The following RANBP2 variants were observed in gnomAD, a reference collection of about 807,000 sequenced individuals.
RANBP2 encodes RAN binding protein 2, also known as E3 SUMO-protein ligase RanBP2.
In RANBP2, 57 loss-of-function variants were observed where a neutral mutation model predicts 303.6. That is an observed-to-expected ratio of 0.19 (90% CI 0.15 to 0.23). The LOEUF is 0.23. Among genes scored for constraint, RANBP2 ranks in the 10% least tolerant of loss-of-function variants. The probability of loss-of-function intolerance (pLI) is 1.00; values close to 1 mark genes in which losing one functional copy is unlikely to be tolerated. For missense variants in RANBP2, 3,138 were observed against 3,780.8 expected (o/e 0.83, Z 4.46); for synonymous variants, 1,167 against 1,301.5 (o/e 0.90, Z 2.23).
chr2:109,029,164 G>A, the RANBP2 span, among the ~76,000 whole-genome samples: 3 of 151,712 alleles, frequency 2.0e-5, no homozygotes, highest in Non-Finnish European at 4.4e-5. Flanking sequence ...AATAAATAAG[G>A]TTTAAGGCAA....
chr2:108,823,615 A>T, the RANBP2 span, among the ~76,000 whole-genome samples: 4 of 152,240 alleles, frequency 2.6e-5, no homozygotes, highest in African/African-American at 7.2e-5. Flanking sequence ...AGGCAGTTGT[A>T]ACACAATGTG....
chr2:108,733,202 T>C (rs1179874418), intron 4 of RANBP2, among the ~76,000 whole-genome samples: 1 of 151,466 alleles, frequency 6.6e-6, no homozygotes, highest in African/African-American at 2.4e-5. Context: ...TGTATATCCA[T>C]AGTTGGTTCC....
At chr2:109,794,646 G>A in the RANBP2 span, 2 of 887,294 alleles carry the variant, frequency 2.3e-6, no homozygotes, top group Non-Finnish European at 1.3e-6. Context: ...GATGGCTCAG[G>A]CGTCATGTCT....
chr2:109,257,048 C>A, the RANBP2 span, among the ~76,000 whole-genome samples: 1 of 152,146 alleles, frequency 6.6e-6, no homozygotes, highest in Non-Finnish European at 1.5e-5. Flanking sequence ...CACTGTATGG[C>A]ATTTGAATGT....
the RANBP2 span, among the ~76,000 whole-genome samples, chr2:109,078,923 G>A: frequency 1.2e-3 from 184 of 151,956 alleles, no homozygotes; most frequent in Non-Finnish European, 1.8e-3. Context: ...CCCGGGAGGC[G>A]GAGCTTGCAG....
At chr2:108,951,469 C>T in the RANBP2 span, among the ~76,000 whole-genome samples, 46,537 of 152,046 alleles carry the variant, frequency 0.31, 11,066 homozygotes, top group East Asian at 0.95. Context: ...TCCAGAAAAA[C>T]TGAAATGAAT....
At chr2:108,864,975 A>G in the RANBP2 span, among the ~76,000 whole-genome samples, 1 of 152,064 alleles carries the variant, frequency 6.6e-6, no homozygotes, top group Non-Finnish European at 1.5e-5. Flanking sequence ...ATAAATAAAT[A>G]GTAACACATT....
the RANBP2 span, among the ~76,000 whole-genome samples, chr2:108,797,880 A>G: frequency 6.6e-6 from 1 of 152,134 alleles, no homozygotes; most frequent in Admixed American, 6.6e-5. Context: ...TGAACATATA[A>G]AAAGATTTTT....
the RANBP2 span, among the ~76,000 whole-genome samples, chr2:108,814,032 A>G: frequency 6.6e-6 from 1 of 152,216 alleles, no homozygotes; most frequent in Non-Finnish European, 1.5e-5. Context: ...TGTCTGCAAT[A>G]AATAAAGCTG....
chr2:108,955,032 C>T, the RANBP2 span, among the ~76,000 whole-genome samples: 1 of 152,052 alleles, frequency 6.6e-6, no homozygotes, highest in Admixed American at 6.6e-5. Flanking sequence ...GAGTGACTGG[C>T]ACATCTCCCT....
At chr2:109,464,271 A>G in the RANBP2 span, among the ~76,000 whole-genome samples, 1 of 152,200 alleles carries the variant, frequency 6.6e-6, no homozygotes, top group Non-Finnish European at 1.5e-5. Flanking sequence ...TCCACACACA[A>G]ATATACACAC....
chr2:108,795,104 A>G, the RANBP2 span, among the ~76,000 whole-genome samples: 1 of 149,704 alleles, frequency 6.7e-6, no homozygotes, highest in African/African-American at 2.4e-5. Flanking sequence ...TGAACTCTTA[A>G]CATTTGCTTA....
At chr2:109,681,512 A>C in the RANBP2 span, among the ~76,000 whole-genome samples, 1 of 152,224 alleles carries the variant, frequency 6.6e-6, no homozygotes, top group African/African-American at 2.4e-5. Flanking sequence ...GTAGCATTGA[A>C]AAATAGAGGA....
the RANBP2 span, among the ~76,000 whole-genome samples, chr2:108,996,625 G>T: frequency 6.6e-6 from 1 of 152,146 alleles, no homozygotes; most frequent in African/African-American, 2.4e-5. Context: ...CTGCCCATGA[G>T]CATGGAGCCC....
chr2:109,370,948 C>A, the RANBP2 span, among the ~76,000 whole-genome samples: 271 of 152,290 alleles, frequency 1.8e-3, 1 homozygote, highest in African/African-American at 6.4e-3. Flanking sequence ...ATCTTAAAGC[C>A]TTTTCTACTT....
the RANBP2 span, among the ~76,000 whole-genome samples, chr2:109,196,046 C>T: frequency 6.6e-6 from 1 of 152,224 alleles, no homozygotes; most frequent in African/African-American, 2.4e-5. Context: ...AGTGGGAATC[C>T]AGGTGATGTC....
the RANBP2 span, among the ~76,000 whole-genome samples, chr2:109,081,612 C>T: frequency 2.0e-4 from 31 of 152,294 alleles, no homozygotes; most frequent in East Asian, 5.8e-3. Flanking sequence ...GAACCAACCC[C>T]ATGGTCAACT....
the RANBP2 span, among the ~76,000 whole-genome samples, chr2:109,113,459 G>T: frequency 6.6e-6 from 1 of 152,166 alleles, no homozygotes; most frequent in Admixed American, 6.5e-5. Context: ...GTATAAGAAT[G>T]CTTGTGATTT....
the RANBP2 span, among the ~76,000 whole-genome samples, chr2:109,029,225 G>A: frequency 6.6e-6 from 1 of 152,162 alleles, no homozygotes; most frequent in South Asian, 2.1e-4. Context: ...CCTCCTTCAT[G>A]TCAACACTGA....
Sources: allele counts gnomAD v4.1 joint callset (sites outside exome capture counted in the v4.1 genomes callset), GRCh38; gene constraint gnomAD v4.1.1; transcripts MANE v1.5; gene names NCBI Gene and HGNC (gene_info 2026-07-23, HGNC 2026-07-21).